The following THSD4 variants were observed in gnomAD, a reference collection of about 807,000 sequenced individuals.
THSD4 encodes the protein thrombospondin type 1 domain containing 4, also known as thrombospondin type-1 domain-containing protein 4.
Under a neutral mutation model 119.0 loss-of-function variants are expected in THSD4, and 69 were observed. The ratio of observed to expected loss-of-function variants is 0.58; its 90% CI spans 0.48 to 0.71. The LOEUF is 0.71. THSD4 is among the 30% of genes least tolerant of loss of function. The probability of loss-of-function intolerance (pLI) is 0.00; values close to 1 mark genes in which losing one functional copy is unlikely to be tolerated. For missense variants in THSD4, 1,393 were observed against 1,391.1 expected (o/e 1.00, Z -0.02); for synonymous variants, 524 against 540.4 (o/e 0.97, Z 0.42).
chr15:71,149,270 G>A (rs1378696058), intron 2 of THSD4, among the ~76,000 whole-genome samples: 5 of 151,862 alleles, frequency 3.3e-5, no homozygotes, highest in Admixed American at 3.3e-4. Flanking sequence ...TTTTGAGATG[G>A]AGTCTCGCTG....
chr15:71,738,570 G>A (rs1194429119), intron 11 of THSD4, among the ~76,000 whole-genome samples: 1 of 152,180 alleles, frequency 6.6e-6, no homozygotes, highest in Non-Finnish European at 1.5e-5. Flanking sequence ...TAAAGGAAAA[G>A]GTGTGTTGGC....
At chr15:71,147,179 C>G (rs921114429) in intron 2 of THSD4, among the ~76,000 whole-genome samples, 4 of 152,162 alleles carry the variant, frequency 2.6e-5, no homozygotes, top group African/African-American at 7.2e-5. Flanking sequence ...TTGATGAAAA[C>G]TGTCACAGAG....
chr15:71,347,153 T>C (rs1278699808), intron 6 of THSD4, among the ~76,000 whole-genome samples: 1 of 152,116 alleles, frequency 6.6e-6, no homozygotes, highest in Non-Finnish European at 1.5e-5. Flanking sequence ...GGATTACAGG[T>C]GTGAGCCACC....
chr15:71,564,727 A>G (rs1161142326), intron 7 of THSD4, among the ~76,000 whole-genome samples: 2 of 125,344 alleles, frequency 1.6e-5, no homozygotes, highest in African/African-American at 6.1e-5. Context: ...ATTGTATATT[A>G]TAACATATAA....
intron 4 of THSD4, among the ~76,000 whole-genome samples, chr15:71,238,386 A>C (rs1567165798): frequency 6.6e-6 from 1 of 152,224 alleles, no homozygotes; most frequent in Admixed American, 6.5e-5. Flanking sequence ...TATATTTACA[A>C]GGTTGTGTGA....
At chr15:71,126,132 T>G (rs2040453693) in intron 1 of THSD4, among the ~76,000 whole-genome samples, 1 of 152,168 alleles carries the variant, frequency 6.6e-6, no homozygotes, top group Non-Finnish European at 1.5e-5. Flanking sequence ...TCCATTTCCA[T>G]CTCCGGGACA....
chr15:71,304,571 A>G (rs767570693), intron 6 of THSD4, among the ~76,000 whole-genome samples: 4 of 152,046 alleles, frequency 2.6e-5, no homozygotes, highest in Admixed American at 6.5e-5. Flanking sequence ...TTTTTCCCCA[A>G]TCGGAAGATT....
At chr15:71,443,660 G>T (rs1047843254) in intron 7 of THSD4, among the ~76,000 whole-genome samples, 1 of 150,084 alleles carries the variant, frequency 6.7e-6, no homozygotes, top group Non-Finnish European at 1.5e-5. Context: ...TTGCAGAACC[G>T]CAGCATCCCA....
chr15:71,219,271 C>T (rs1051309608), intron 4 of THSD4, among the ~76,000 whole-genome samples: 2 of 152,150 alleles, frequency 1.3e-5, no homozygotes, highest in African/African-American at 4.8e-5. Context: ...CTAGGGGCCA[C>T]CCTCAGATGT....
At chr15:71,101,735 A>G (rs2040254495) in intron 1 of THSD4, among the ~76,000 whole-genome samples, 1 of 148,588 alleles carries the variant, frequency 6.7e-6, no homozygotes, top group African/African-American at 2.5e-5. Context: ...TTTTTTTGAG[A>G]CAGAGTCTCA....
rs2051543607 is a variant in THSD4, at chr15:71,672,102, T to G, written c.1357+11368T>G. Among the ~76,000 whole-genome samples, 4 of 152,240 alleles carry G rather than the reference T, an allele frequency of 2.6e-5. No individual in the cohort carries two copies. The South Asian group carries it at 8.3e-4, about 32-fold the overall frequency. On this transcript the variant is annotated intron_variant, in intron 8 of 17. Coordinates refer to ENST00000261862, the MANE Select transcript of THSD4 (RefSeq NM_024817.3). ...GTATGGCCATTTTCACAATATTGAT[T>G]CTTCCTATCCATGAGCATGGAATGT...
At chr15:71,476,649 A>T (rs1479928424) in intron 7 of THSD4, among the ~76,000 whole-genome samples, 1 of 152,248 alleles carries the variant, frequency 6.6e-6, no homozygotes, top group East Asian at 1.9e-4. Flanking sequence ...CTTCAAGGCA[A>T]CAAGGCAACC....
chr15:71,183,651 A>G (rs2043560859), intron 3 of THSD4, among the ~76,000 whole-genome samples: 1 of 151,724 alleles, frequency 6.6e-6, no homozygotes, highest in African/African-American at 2.4e-5. Flanking sequence ...CCTTGCTGGC[A>G]CATAAACGTC....
At chr15:71,132,406 T>TA (rs1229887704) in intron 1 of THSD4, among the ~76,000 whole-genome samples, 1 of 152,190 alleles carries the variant, frequency 6.6e-6, no homozygotes, top group Non-Finnish European at 1.5e-5. Context: ...TGAGGTAAGG[T>TA]AAAAATAGAA....
At chr15:71,110,827 G>A (rs984108432), upstream of THSD4, 6 of 321,414 alleles carry the variant, frequency 1.9e-5, no homozygotes, top group East Asian at 6.5e-5. Context: ...TCCTTTAGTC[G>A]TTCATAGTTG....
At chr15:71,520,447 C>T (rs1431653759) in intron 7 of THSD4, among the ~76,000 whole-genome samples, 2 of 152,282 alleles carry the variant, frequency 1.3e-5, no homozygotes, top group East Asian at 3.9e-4. Flanking sequence ...CCCAGGGCCT[C>T]CTCACTGGGA....
chr15:71,259,462 C>T (rs528439712), intron 6 of THSD4, among the ~76,000 whole-genome samples: 49 of 152,184 alleles, frequency 3.2e-4, no homozygotes, highest in Admixed American at 1.0e-3. Flanking sequence ...GAGATCTACT[C>T]GCTAGAGTAG....
At chr15:71,170,577 G>C (rs2043348937) in intron 3 of THSD4, among the ~76,000 whole-genome samples, 1 of 152,148 alleles carries the variant, frequency 6.6e-6, no homozygotes, top group African/African-American at 2.4e-5. Context: ...TAACTTAACT[G>C]TATCCTAGCA....
At chr15:71,439,399 C>T (rs1269220322) in intron 7 of THSD4, among the ~76,000 whole-genome samples, 3 of 152,196 alleles carry the variant, frequency 2.0e-5, no homozygotes, top group African/African-American at 4.8e-5. Flanking sequence ...GAAATAGGAA[C>T]ACTTTTACAC....
Sources: allele counts gnomAD v4.1 joint callset (sites outside exome capture counted in the v4.1 genomes callset), GRCh38; gene constraint gnomAD v4.1.1; transcripts MANE v1.5; gene names NCBI Gene and HGNC (gene_info 2026-07-23, HGNC 2026-07-21).